ZNF469: variants seen among roughly 807,000 people sequenced by gnomAD.
The protein encoded by ZNF469 is zinc finger protein 469.
ZNF469 carries 1 observed loss-of-function variant against 1.0 expected under a neutral mutation model. The observed-to-expected ratio is 1.00, with a 90% CI of 0.35 to 4.73. ZNF469 has a LOEUF of 4.73. Ranked by LOEUF, ZNF469 falls within the 30% of genes most tolerant of loss-of-function variation. ZNF469 has a pLI of 0.16. For synonymous variants in ZNF469, 2,703 were observed against 2,363.4 expected (o/e 1.14, Z -4.17); for missense variants, 6,100 against 5,356.3 (o/e 1.14, Z -4.33).
the ZNF469 span, among the ~76,000 whole-genome samples, chr16:88,158,046 C>G: frequency 1.2e-4 from 18 of 152,172 alleles, no homozygotes; most frequent in South Asian, 3.5e-3. Flanking sequence ...TGCGGGGATG[C>G]TCCGGGGGTC....
At chr16:88,409,828 G>A (rs1055260880) in intron 1 of ZNF469, among the ~76,000 whole-genome samples, 6 of 148,710 alleles carry the variant, frequency 4.0e-5, no homozygotes, top group East Asian at 2.0e-4. Flanking sequence ...GCCTGTGAGC[G>A]GAGGCCTGAG....
chr16:88,156,359 A>C, the ZNF469 span, among the ~76,000 whole-genome samples: 1 of 152,146 alleles, frequency 6.6e-6, no homozygotes, highest in Non-Finnish European at 1.5e-5. Context: ...AGGCTTTTAT[A>C]GTCTTACGTC....
chr16:88,376,081 C>T, the ZNF469 span, among the ~76,000 whole-genome samples: 4 of 152,344 alleles, frequency 2.6e-5, no homozygotes, highest in East Asian at 3.9e-4. Flanking sequence ...TCAGGGCGGG[C>T]GGCACGCAGG....
At chr16:88,110,653 T>C in the ZNF469 span, among the ~76,000 whole-genome samples, 1 of 152,192 alleles carries the variant, frequency 6.6e-6, no homozygotes, top group African/African-American at 2.4e-5. Flanking sequence ...CGGGTGAGAA[T>C]CATAACGTGG....
chr16:88,121,293 C>T, the ZNF469 span, among the ~76,000 whole-genome samples: 1 of 151,800 alleles, frequency 6.6e-6, no homozygotes, highest in Non-Finnish European at 1.5e-5. Flanking sequence ...GGTCCTTGTC[C>T]AAACCCTCCG....
At chr16:88,132,817 C>T in the ZNF469 span, among the ~76,000 whole-genome samples, 3 of 152,170 alleles carry the variant, frequency 2.0e-5, no homozygotes, top group Non-Finnish European at 2.9e-5. Flanking sequence ...GAGGTGGAGG[C>T]CTCCGCACAG....
chr16:88,283,104 T>C, the ZNF469 span, among the ~76,000 whole-genome samples: 13 of 152,156 alleles, frequency 8.5e-5, no homozygotes, highest in African/African-American at 2.7e-4. Context: ...AAATTGTTTA[T>C]TTTAGTCGTT....
rs761550303 is a variant in ZNF469 at position 88,437,998 on chromosome 16, C to T, written c.10528C>T (p.His3510Tyr). ...TGAGGGCTCTCTCCCGGCCCTGCTC[C>T]ACCTGTGTTCGGAGGTGGCTCCCAG... ...LSEGSLPALL[H>Y]LCSEVAPSTT... is the part of the protein sequence containing the mutation. Residue 3510 changes from histidine (H) to tyrosine (Y), a missense_variant, in exon 3 of 3, where the codon CAC becomes TAC. Transcript: ENST00000565624. 2.2e-5 allele frequency: 34 copies of T among 1,549,154 alleles called. No homozygotes were observed. In the African/African-American group the frequency reaches 4.2e-4, roughly 19 times the overall value.
At chr16:88,280,652 GTGT>G in the ZNF469 span, among the ~76,000 whole-genome samples, 3 of 151,832 alleles carry the variant, frequency 2.0e-5, no homozygotes, top group Non-Finnish European at 4.4e-5. Flanking sequence ...GCATGGGTTA[GTGT>G]TGTGCCACAC....
At chr16:88,107,609 C>T in the ZNF469 span, among the ~76,000 whole-genome samples, 3 of 152,220 alleles carry the variant, frequency 2.0e-5, no homozygotes, top group Non-Finnish European at 2.9e-5. Flanking sequence ...CTGAGGGTCA[C>T]GAGGCAAGGT....
chr16:88,180,188 C>T, the ZNF469 span, among the ~76,000 whole-genome samples: 70,170 of 151,870 alleles, frequency 0.46, 17,426 homozygotes, highest in Non-Finnish European at 0.57. Flanking sequence ...AAAGAACAGA[C>T]GAGACAAATA....
the ZNF469 span, among the ~76,000 whole-genome samples, chr16:88,333,962 GTGTC>G: frequency 3.3e-5 from 5 of 151,752 alleles, no homozygotes; most frequent in Non-Finnish European, 5.9e-5. Flanking sequence ...GTCTGCATGT[GTGTC>G]TGTGTGCATC....
the ZNF469 span, among the ~76,000 whole-genome samples, chr16:88,290,367 G>A: frequency 6.6e-6 from 1 of 152,176 alleles, no homozygotes; most frequent in Non-Finnish European, 1.5e-5. Flanking sequence ...GGCAGAAAAG[G>A]AGTGGGTGTT....
chr16:88,160,503 C>T, the ZNF469 span, among the ~76,000 whole-genome samples: 20 of 152,290 alleles, frequency 1.3e-4, no homozygotes, highest in South Asian at 2.1e-4. Flanking sequence ...GGCTCCATCG[C>T]GGTCTTTTCT....
chr16:88,411,593 C>T lies in ZNF469; in HGVS notation c.-191-13214C>T, dbSNP rs890933333. Among the ~76,000 whole-genome samples the T allele has an allele frequency of 5.9e-5, 9 of 152,240 alleles. No homozygotes were observed. In the South Asian group the frequency reaches 1.9e-3, roughly 32 times the overall value. On this transcript the variant is annotated intron_variant, in intron 1 of 2. Coordinates refer to ENST00000565624, the MANE Select transcript of ZNF469 (RefSeq NM_001367624.2). The stretch of plus-strand genomic sequence containing the variant: ...GCCTCAGGTGTGTTTGGAAGGACCC[C>T]TTGGCCTGCCTCAGGGAGAACGGGG...
chr16:88,373,133 G>A, the ZNF469 span, among the ~76,000 whole-genome samples: 1 of 152,210 alleles, frequency 6.6e-6, no homozygotes, highest in African/African-American at 2.4e-5. Flanking sequence ...CAATGTTTGA[G>A]GTGTCAACCT....
At chr16:88,327,027 C>T in the ZNF469 span, among the ~76,000 whole-genome samples, 17 of 152,240 alleles carry the variant, frequency 1.1e-4, no homozygotes, top group African/African-American at 3.9e-4. Flanking sequence ...GGCCCCGCCT[C>T]TCTGATGGGC....
chr16:88,170,678 G>A, the ZNF469 span, among the ~76,000 whole-genome samples: 182 of 152,234 alleles, frequency 1.2e-3, no homozygotes, highest in Non-Finnish European at 2.0e-3. The surrounding 1 kb of genome is among the most constrained non-coding windows in gnomAD (Gnocchi z 4.2). Context: ...TTGTCTGCTC[G>A]TCTGCCAAGC....
the ZNF469 span, among the ~76,000 whole-genome samples, chr16:88,186,596 C>T: frequency 6.6e-6 from 1 of 152,196 alleles, no homozygotes; most frequent in Non-Finnish European, 1.5e-5. Flanking sequence ...AACACAGCAC[C>T]GAGACCTCAG....
Sources: allele counts gnomAD v4.1 joint callset (sites outside exome capture counted in the v4.1 genomes callset), GRCh38; gene constraint gnomAD v4.1.1; non-coding constraint Gnocchi (gnomAD v3.1); transcripts MANE v1.5; gene names NCBI Gene and HGNC (gene_info 2026-07-23, HGNC 2026-07-21).